Variants in RBSN observed in about 807,000 individuals in gnomAD.
RBSN encodes rabenosyn, RAB effector.
In RBSN, 34 loss-of-function variants were observed where a neutral mutation model predicts 60.5. The observed-to-expected ratio is 0.56, with a 90% confidence interval of 0.43 to 0.75. The LOEUF is 0.75. Ranked by LOEUF, RBSN falls within the 30% of genes least tolerant of loss-of-function variation. The pLI is 0.00. For synonymous variants in RBSN, 322 were observed against 366.9 expected, an observed-to-expected ratio of 0.88 and a Z score of 1.40; for missense variants, 845 against 986.8, an observed-to-expected ratio of 0.86 and a Z score of 1.92.
chr3:15,078,759 CA>C (rs755729739), intron 10 of RBSN, among the ~76,000 whole-genome samples: 903 of 28,820 alleles, frequency 0.031, 8 homozygotes, highest in African/African-American at 0.098. Context: ...AACTCGGTCT[CA>C]AAAAAAAAAA....
At chr3:15,085,993 C>T in intron 5 of RBSN, 32 bp from the exon 6 acceptor site, 1 of 1,526,084 alleles carries the variant, frequency 6.6e-7, no homozygotes, top group Non-Finnish European at 8.9e-7. Flanking sequence ...AGACAAATGA[C>T]TTATAGTTTC....
intron 8 of RBSN, among the ~76,000 whole-genome samples, chr3:15,083,987 A>C (rs1374281781): frequency 6.6e-6 from 1 of 152,258 alleles, no homozygotes; most frequent in Non-Finnish European, 1.5e-5. Context: ...GACTCCTTGG[A>C]AGAATGGACA....
chr3:15,095,486 A>G (rs1400536116), intron 4 of RBSN, among the ~76,000 whole-genome samples: 1 of 152,236 alleles, frequency 6.6e-6, no homozygotes, highest in African/African-American at 2.4e-5. Context: ...TTGTTCTTCG[A>G]CTATGACCTT....
rs576943371 is a variant in RBSN, at chr3:15,076,105, T to C, written c.1102-395A>G. Among the ~76,000 whole-genome samples, 67 of 152,182 alleles carry C rather than the reference T, an allele frequency of 4.4e-4. 1 individual carries two copies. The highest frequency in any genetic ancestry group is 1.6e-3 in the African/African-American group (65 of 41,514). On this transcript the variant is annotated intron_variant, in intron 12 of 13. Transcript: ENST00000253699. ...TTTAGTTGTTTATGATCTCTCTCCT[T>C]CTCTAGAACATAAGCTTAATGAGAA...
rs2042976611 is a variant in RBSN, at chr3:15,073,837, T to C, written c.2300A>G (p.Glu767Gly). Residue 767 changes from glutamate to glycine, a missense_variant, in exon 14 of 14, where the codon GAG becomes GGG. Physicochemically the swap from Glu to Gly is moderately conservative, Grantham distance 98 (BLOSUM62 -2). Coordinates refer to ENST00000253699, the MANE Select transcript of RBSN (RefSeq NM_022340.4). ...GGTGTGCTTCAGCTCCCGCAGATTC[T>C]CTGTCAGCACCTCTACCTCATCCAG... Reference protein sequence around the residue: ...GRLDEVEVLTENLRELKHTLA... With the variant: ...GRLDEVEVLTGNLRELKHTLA... 11 of 1,613,682 alleles carry C rather than the reference T, an allele frequency of 6.8e-6. No individual in the cohort carries two copies. Among genetic ancestry groups the C allele is most frequent in the Non-Finnish European group, 8.5e-6 (10 of 1,179,912 alleles).
rs894438917 is a variant in RBSN, at chr3:15,084,622, T to C, written c.598+113A>G. 3 of 1,343,118 alleles carry C rather than the reference T, an allele frequency of 2.2e-6. No individual in the cohort carries two copies. The allele number at this position is 1,343,118 out of a possible 1,614,324, so 83.2% of individuals were successfully genotyped here. ...GAAACAGCAACTCAATGAATGAAGA[T>C]TCCCATGAGCCATTAATTTAACAAA... On this transcript the variant is annotated intron_variant, in intron 8 of 13. Coordinates refer to ENST00000253699, the MANE Select transcript of RBSN (RefSeq NM_022340.4). This position sits in a 1 kb window ranked among gnomAD's most constrained non-coding sequence, Gnocchi z 4.2.
chr3:15,082,525 G>A lies in RBSN; in HGVS notation c.682C>T (p.Arg228Ter), dbSNP rs780671145. 1.9e-6 allele frequency: 3 copies of A among 1,614,128 alleles called. No homozygotes were observed. Among genetic ancestry groups the A allele is most frequent in the Non-Finnish European group, 2.5e-6 (3 of 1,180,018 alleles). The change falls in exon 9 of 14, where the codon CGA (arginine) becomes TGA (stop). Residue 228 changes from arginine (R) to a stop codon, truncating the protein, a stop_gained. Transcript: ENST00000253699. LOFTEE classifies it high-confidence loss of function. The surrounding 1 kb of genome is among the most constrained non-coding windows in gnomAD (Gnocchi z 4.2). ...CTGCTCATGCTGCTGATGCTGCCTC[G>A]GCGGGAGCCATGGACACTGTTGGGT... The part of the protein sequence containing the change: ...QSPNSVHGSR[R>*]GSISSMSSVS...
At chr3:15,086,083 T>G in intron 5 of RBSN, 122 bp from the exon 6 acceptor site, 2 of 262,688 alleles carry the variant, frequency 7.6e-6, no homozygotes, top group Non-Finnish European at 1.4e-5. Flanking sequence ...CGAGACCCCG[T>G]CTCTCTCCAA....
At position 15,085,012 on chromosome 3, in the gene RBSN, C is replaced by T. The variant is rs750440507; in HGVS notation, c.424G>A (p.Ala142Thr). The T allele has an allele frequency of 1.2e-6, 2 of 1,614,214 alleles. No homozygotes were observed. The highest frequency in any genetic ancestry group is 2.2e-5 in the South Asian group (2 of 91,086). ...TAFDRTNTESAKIRAIEKSVV... is the reference protein window; with the variant it reads ...TAFDRTNTESTKIRAIEKSVV... ...GTTTTAAAGTTACCTCGAATCTTTG[C>T]AGACTCAGTATTTGTTCTGTCAAAT... The change falls in exon 7 of 14, where the codon GCA becomes ACA. Residue 142 changes from alanine (A) to threonine (T), a missense_variant. Ala to Thr is a moderately conservative substitution (Grantham distance 58, BLOSUM62 0). Coordinates refer to ENST00000253699, the MANE Select transcript of RBSN (RefSeq NM_022340.4).
In RBSN at chr3:15,091,563, C is replaced by T. The variant is rs1323490969; in HGVS notation, c.149-1024G>A. On this transcript the variant is annotated intron_variant, in intron 4 of 13. Transcript: ENST00000253699. ...ATGAACATTTCCTGTATTTAGCCAT[C>T]GTATGTACCAGGTACAACGCAAAGT... The T allele has an allele frequency of 1.3e-5, 16 of 1,199,864 alleles. No individual in the cohort carries two copies. The East Asian group carries it at 4.7e-4, about 35-fold the overall frequency. 74.3% of individuals were successfully genotyped at this position (1,199,864 alleles called of 1,614,324 possible).
chr3:15,082,347 G>A lies in RBSN; in HGVS notation c.840+20C>T, dbSNP rs2043223877. On this transcript the variant is annotated intron_variant, in intron 9 of 13. Coordinates refer to ENST00000253699, the MANE Select transcript of RBSN (RefSeq NM_022340.4). The surrounding 1 kb of genome is among the most constrained non-coding windows in gnomAD (Gnocchi z 4.2). ...AATCTGCCTAAGAAATTAGACCCAA[G>A]ACCAGACAGCGCGAATCACCTCGTA... The A allele has an allele frequency of 8.7e-6, 14 of 1,601,820 alleles. No individual in the cohort carries two copies. Among genetic ancestry groups the A allele is most frequent in the Middle Eastern group, 1.7e-4 (1 of 6,032 alleles).
At chr3:15,091,207 T>A (rs1259921114) in intron 4 of RBSN, 2 of 64,442 alleles carry the variant, frequency 3.1e-5, no homozygotes, top group Non-Finnish European at 3.7e-5. Context: ...TGAGACCCTG[T>A]CTCAAAAAAA....
At chr3:15,091,554 T>C in intron 4 of RBSN, 1 of 1,237,434 alleles carries the variant, frequency 8.1e-7, no homozygotes, top group Non-Finnish European at 1.1e-6. Flanking sequence ...ATTTCCTGTA[T>C]TTAGCCATCG....
chr3:15,090,328 CT>C (rs2043478159), intron 5 of RBSN, 70 bp downstream of exon 5: 2 of 1,563,480 alleles, frequency 1.3e-6, no homozygotes, highest in Admixed American at 3.7e-5. Flanking sequence ...TCAGCCAACT[CT>C]TAAAACTTTA....
chr3:15,092,437 C>G lies in RBSN; in HGVS notation c.149-1898G>C, dbSNP rs565687807. 8.5e-5 allele frequency among the ~76,000 whole-genome samples: 13 copies of G among 152,086 alleles called. No individual in the cohort carries two copies. The South Asian group carries it at 2.1e-3, about 24-fold the overall frequency. On this transcript the variant is annotated intron_variant, in intron 4 of 13. Coordinates refer to ENST00000253699, the MANE Select transcript of RBSN (RefSeq NM_022340.4). ...TGTTTTTTTTTGAGACAGAGTTTCA[C>G]TCTTGTTGCCCAAGCTGGAATGCAA...
At chr3:15,090,337 T>G in intron 5 of RBSN, 62 bp downstream of exon 5, 1 of 1,578,780 alleles carries the variant, frequency 6.3e-7, no homozygotes, top group Non-Finnish European at 8.6e-7. Flanking sequence ...TCTTAAAACT[T>G]TACCTAGAAC....
At chr3:15,092,396 T>G (rs891625504) in intron 4 of RBSN, among the ~76,000 whole-genome samples, 10 of 151,752 alleles carry the variant, frequency 6.6e-5, no homozygotes, top group Admixed American at 6.6e-4. Context: ...AAGTGGGTTT[T>G]TTTTGTTTGT....
chr3:15,093,913 C>T (rs890995329), intron 4 of RBSN, among the ~76,000 whole-genome samples: 2 of 151,520 alleles, frequency 1.3e-5, no homozygotes, highest in Admixed American at 6.6e-5. Flanking sequence ...CTATGTTGCC[C>T]AGGCTGGTAT....
chr3:15,086,685 T>C (rs1225617012), intron 5 of RBSN, among the ~76,000 whole-genome samples: 3 of 152,260 alleles, frequency 2.0e-5, no homozygotes, highest in African/African-American at 4.8e-5. Context: ...TTTTGAATTA[T>C]CTTATTGTTT....
Sources: gnomAD v4.1 joint callset for allele counts (sites outside exome capture counted in the v4.1 genomes callset) on GRCh38, gnomAD v4.1.1 for gene constraint, Gnocchi (gnomAD v3.1) non-coding constraint, MANE v1.5 for transcripts, NCBI Gene and HGNC (gene_info 2026-07-23, HGNC 2026-07-21) for gene names.